Variants in PEMT observed in about 807,000 individuals in gnomAD.
PEMT encodes the protein phospholipid methyltransferase.
Under a neutral mutation model 27.4 loss-of-function variants are expected in PEMT, and 23 were observed. The ratio of observed to expected loss-of-function variants is 0.84; its 90% CI spans 0.60 to 1.19. The LOEUF (loss-of-function observed/expected upper bound fraction) is 1.19. Ranked by LOEUF, PEMT falls within the 50% of genes most tolerant of loss-of-function variation. The pLI is 0.00. For missense variants in PEMT, 307 were observed against 310.1 expected, an observed-to-expected ratio of 0.99 and a Z score of 0.07; for synonymous variants, 137 against 139.1, an observed-to-expected ratio of 0.98 and a Z score of 0.11.
chr17:17,510,518 C>A (rs775838406), intron 4 of PEMT, among the ~76,000 whole-genome samples: 1 of 152,208 alleles, frequency 6.6e-6, no homozygotes, highest in Admixed American at 6.5e-5. Flanking sequence ...TCTGGGGACA[C>A]GGGGCAGGGC....
At chr17:17,562,163 G>A (rs1386312273) in intron 2 of PEMT, among the ~76,000 whole-genome samples, 3 of 152,216 alleles carry the variant, frequency 2.0e-5, no homozygotes, top group Admixed American at 1.3e-4. Context: ...AGCACAGGGC[G>A]GGACCAGCTC....
chr17:17,521,685 C>T (rs1246775211), intron 3 of PEMT, among the ~76,000 whole-genome samples: 1 of 152,192 alleles, frequency 6.6e-6, no homozygotes, highest in Non-Finnish European at 1.5e-5. Context: ...CTGCCTCAGC[C>T]TCTCGAGTAG....
rs190903771 is a variant in PEMT at position 17,577,515 on chromosome 17, C to T, written c.97-488G>A. ...AGTGCACACGAGGGTGTGAGTGGGG[C>T]GGGGTAAACTGAAAAAGTGTGTGCC... On this transcript the variant is annotated intron_variant, in intron 1 of 6. Transcript: ENST00000255389. The T allele has an allele frequency of 5.9e-4, 588 of 999,638 alleles. 1 individual carries two copies. In the African/African-American group the frequency reaches 9.2e-3, roughly 16 times the overall value. The allele number at this position is 999,638 out of a possible 1,614,324, so 61.9% of individuals were successfully genotyped here.
Position 17,576,436 on chromosome 17 carries a change from G to T in PEMT, c.204+484C>A, listed in dbSNP as rs758239286. On this transcript the variant is annotated intron_variant, in intron 2 of 6. Transcript: ENST00000255389. ...CCCAGCTCGCCTAGGTCCGGAATGCGCAGGCCGTTTTGCAGGAAGCCTCAT... is the reference window on the plus strand; with the variant it reads ...CCCAGCTCGCCTAGGTCCGGAATGCTCAGGCCGTTTTGCAGGAAGCCTCAT... Among the ~76,000 whole-genome samples, 80 of 152,304 alleles carry T rather than the reference G, an allele frequency of 5.3e-4. 2 individuals carry two copies. The highest frequency in any genetic ancestry group is 5.1e-3 in the Admixed American group (78 of 15,296).
intron 1 of PEMT, among the ~76,000 whole-genome samples, chr17:17,586,288 GA>G (rs113887195): frequency 0.024 from 1,701 of 71,954 alleles, 93 homozygotes; most frequent in East Asian, 0.039. Context: ...AAGAAAGAAA[GA>G]AAAAAAAAAA....
chr17:17,528,008 C>T (rs1437290127), intron 2 of PEMT, among the ~76,000 whole-genome samples: 2 of 152,242 alleles, frequency 1.3e-5, no homozygotes, highest in African/African-American at 4.8e-5. Flanking sequence ...GCCTAGGCAC[C>T]TGGGGGTCTA....
chr17:17,525,539 C>A (rs140303611), intron 2 of PEMT, among the ~76,000 whole-genome samples: 1 of 152,204 alleles, frequency 6.6e-6, no homozygotes, highest in East Asian at 1.9e-4. Flanking sequence ...TAGGCAGCGG[C>A]GTGGCCCAGC....
At chr17:17,521,294 G>A (rs1490797009) in intron 3 of PEMT, among the ~76,000 whole-genome samples, 1 of 152,252 alleles carries the variant, frequency 6.6e-6, no homozygotes, top group Non-Finnish European at 1.5e-5. Context: ...GCTGCCGTGC[G>A]CAATGATTCT....
intron 2 of PEMT, among the ~76,000 whole-genome samples, chr17:17,539,598 A>G (rs1471994682): frequency 6.6e-6 from 1 of 152,106 alleles, no homozygotes; most frequent in African/African-American, 2.4e-5. Flanking sequence ...CAGCTGAGGG[A>G]CTGCTCGTGG....
At chr17:17,589,190 G>A (rs574108803) in intron 1 of PEMT, among the ~76,000 whole-genome samples, 13 of 152,198 alleles carry the variant, frequency 8.5e-5, no homozygotes, top group Admixed American at 8.5e-4. Flanking sequence ...TCAAACTCCC[G>A]ACCTCAGGTG....
chr17:17,537,984 G>A (rs1908603218), intron 2 of PEMT, among the ~76,000 whole-genome samples: 1 of 152,248 alleles, frequency 6.6e-6, no homozygotes, highest in South Asian at 2.1e-4. Context: ...TCACCAGGGA[G>A]TGGTCAGCTG....
At chr17:17,557,163 C>T (rs1156934731) in intron 2 of PEMT, among the ~76,000 whole-genome samples, 1 of 152,184 alleles carries the variant, frequency 6.6e-6, no homozygotes, top group Non-Finnish European at 1.5e-5. Context: ...ACCACTACCA[C>T]CCATGCACCG....
chr17:17,544,034 T>C (rs974556285), intron 2 of PEMT, among the ~76,000 whole-genome samples: 1 of 150,900 alleles, frequency 6.6e-6, no homozygotes, highest in African/African-American at 2.4e-5. Context: ...ATGCCTCCTA[T>C]AGGACTGGCA....
intron 2 of PEMT, among the ~76,000 whole-genome samples, chr17:17,564,645 A>G (rs1910704287): frequency 6.6e-6 from 1 of 152,256 alleles, no homozygotes; most frequent in Non-Finnish European, 1.5e-5. Flanking sequence ...AAGTCCCATG[A>G]GCAGCCCGCT....
In PEMT at chr17:17,581,749, C is replaced by T. The variant is rs143692486; in HGVS notation, c.97-4722G>A. Among the ~76,000 whole-genome samples, 19 of 152,282 alleles carry T rather than the reference C, an allele frequency of 1.2e-4. No homozygotes were observed. The East Asian group carries it at 3.5e-3, about 28-fold the overall frequency. On this transcript the variant is annotated intron_variant, in intron 1 of 6. Transcript: ENST00000255389. ...CCAATGGCCTCAGGTCAGCCTGTCT[C>T]AGGAGGGTGGTGGTGTCCATCCGGT...
rs78187773 is a variant in PEMT at position 17,572,458 on chromosome 17, G to A, written c.204+4462C>T. Among the ~76,000 whole-genome samples, 284 of 152,254 alleles carry A rather than the reference G, an allele frequency of 1.9e-3. 3 individuals are homozygous for A. The highest frequency in any genetic ancestry group is 6.6e-3 in the African/African-American group (274 of 41,534). On this transcript the variant is annotated intron_variant, in intron 2 of 6. Coordinates refer to ENST00000255389, the MANE Select transcript of PEMT (RefSeq NM_148172.3). ...GCGGCAGCTGTCCCTTAAAACCTCC[G>A]AGGACACTCAAGAGTGCCCCAGGAC...
rs1905771868 is a variant in PEMT at position 17,505,731 on chromosome 17, C to T, written c.*60G>A. On this transcript the variant is annotated 3_prime_UTR_variant, in exon 7 of 7. Transcript: ENST00000255389. ...GCACCATTCTCGCCCTGCGCAGGGC[C>T]TGCCACTTGGGGCAGGCCAGGAGGC... 3.9e-6 allele frequency: 6 copies of T among 1,529,582 alleles called. No individual in the cohort carries two copies. The highest frequency in any genetic ancestry group is 5.3e-6 in the Non-Finnish European group (6 of 1,138,588). 94.8% of individuals were successfully genotyped at this position (1,529,582 alleles called of 1,614,324 possible).
At chr17:17,576,599 C>G (rs780428320) in intron 2 of PEMT, among the ~76,000 whole-genome samples, 1 of 152,208 alleles carries the variant, frequency 6.6e-6, no homozygotes, top group Non-Finnish European at 1.5e-5. Context: ...AGAAGGCCAC[C>G]AGACTGCCAG....
At chr17:17,540,008 G>A (rs1440708507) in intron 2 of PEMT, among the ~76,000 whole-genome samples, 2 of 152,234 alleles carry the variant, frequency 1.3e-5, no homozygotes, top group African/African-American at 2.4e-5. Context: ...GGACAGGGGA[G>A]GACAAGGAAC....
Sources: allele counts gnomAD v4.1 joint callset (sites outside exome capture counted in the v4.1 genomes callset), GRCh38; gene constraint gnomAD v4.1.1; transcripts MANE v1.5; gene names NCBI Gene and HGNC (gene_info 2026-07-23, HGNC 2026-07-21).